Variants in ECT2 observed in about 807,000 individuals in gnomAD.
ECT2 encodes epithelial cell transforming 2, also known as protein ECT2.
In ECT2, 61 loss-of-function variants were observed where a neutral mutation model predicts 116.9. That is an observed-to-expected ratio of 0.52 (90% CI 0.42 to 0.65). The LOEUF (loss-of-function observed/expected upper bound fraction) is 0.65, where lower values mean the gene tolerates loss of function less well. Among genes scored for constraint, ECT2 ranks in the 30% least tolerant of loss-of-function variants. The pLI, the probability that ECT2 is intolerant of heterozygous loss-of-function variation, is 0.00. For synonymous variants in ECT2, 358 were observed against 346.4 expected, an observed-to-expected ratio of 1.03 and a Z score of -0.37; for missense variants, 937 against 1,078.7, an observed-to-expected ratio of 0.87 and a Z score of 1.84.
intron 18 of ECT2, among the ~76,000 whole-genome samples, 161 bp downstream of exon 18, chr3:172,786,735 G>A (rs1345872105): frequency 6.6e-6 from 1 of 152,110 alleles, no homozygotes; most frequent in Non-Finnish European, 1.5e-5. Context: ...AGTATTGTAA[G>A]AATACATTCA....
At chr3:172,776,081 C>A (rs919721541) in intron 14 of ECT2, among the ~76,000 whole-genome samples, 1 of 151,650 alleles carries the variant, frequency 6.6e-6, no homozygotes, top group Non-Finnish European at 1.5e-5. Context: ...AAATCATATT[C>A]TTTGATTCAG....
chr3:172,819,643 C>T (rs148919039), intron 24 of ECT2, among the ~76,000 whole-genome samples: 5 of 152,026 alleles, frequency 3.3e-5, no homozygotes, highest in African/African-American at 9.7e-5. Flanking sequence ...ATTATATATA[C>T]ATATATACAC....
At chr3:172,828,871 C>CG in the ECT2 span, 1 of 1,225,870 alleles carries the variant, frequency 8.2e-7, no homozygotes, top group Non-Finnish European at 1.2e-6. Context: ...GCCTGAGAGA[C>CG]GGGTTCCTGG....
chr3:172,757,375 A>G (rs1415600184), intron 5 of ECT2, among the ~76,000 whole-genome samples: 1 of 151,216 alleles, frequency 6.6e-6, no homozygotes, highest in Non-Finnish European at 1.5e-5. Context: ...TTAAATAATG[A>G]TAACTGTACA....
At chr3:172,762,583 T>C (rs1718532994) in intron 9 of ECT2, 37 bp downstream of exon 9, 1 of 1,579,412 alleles carries the variant, frequency 6.3e-7, no homozygotes, top group Admixed American at 2.0e-5. Flanking sequence ...ATATCTATTT[T>C]AGTCCCTAGG....
chr3:172,827,084 G>C, the ECT2 span, among the ~76,000 whole-genome samples: 1 of 152,216 alleles, frequency 6.6e-6, no homozygotes, highest in African/African-American at 2.4e-5. Context: ...ACTACAATGA[G>C]ACATCATCTC....
chr3:172,795,447 C>G (rs1231654187), intron 18 of ECT2, among the ~76,000 whole-genome samples: 3 of 151,986 alleles, frequency 2.0e-5, no homozygotes, highest in Admixed American at 2.0e-4. Context: ...TTAAGTCCAG[C>G]CTAAAATGAA....
intron 18 of ECT2, among the ~76,000 whole-genome samples, chr3:172,798,311 C>T (rs1294980912): frequency 6.6e-6 from 1 of 152,092 alleles, no homozygotes. Context: ...TGCAAACTTT[C>T]ACCAGCTTTT....
chr3:172,798,752 T>C (rs1179240888), intron 18 of ECT2, among the ~76,000 whole-genome samples: 1 of 152,230 alleles, frequency 6.6e-6, no homozygotes, highest in Non-Finnish European at 1.5e-5. Context: ...TGAAAACTTT[T>C]TGAGCATTCT....
rs773387843 is a variant in ECT2 at position 172,761,656 on chromosome 3, A to G, written c.731A>G (p.Tyr244Cys). 1.2e-6 allele frequency: 2 copies of G among 1,611,456 alleles called. No individual in the cohort carries two copies. Among genetic ancestry groups the G allele is most frequent in the Non-Finnish European group, 1.7e-6 (2 of 1,178,222 alleles). ...CCAATTATGAAGCCAGAATGGATTTATAAAGCTTGGGAAAGGCGGAATGAA... is the reference window on the plus strand; with the variant it reads ...CCAATTATGAAGCCAGAATGGATTTGTAAAGCTTGGGAAAGGCGGAATGAA... Reference protein sequence around the residue: ...GTPIMKPEWIYKAWERRNEQD... With the variant: ...GTPIMKPEWICKAWERRNEQD... Residue 244 changes from tyrosine (Y) to cysteine (C), a missense_variant, in exon 8 of 25, where the codon TAT (tyrosine) becomes TGT (cysteine). By Grantham distance (194) the Tyr-to-Cys change is radical. Coordinates refer to ENST00000392692, the MANE Select transcript of ECT2 (RefSeq NM_001258315.2).
chr3:172,752,776 C>G (rs1053269170), intron 1 of ECT2, among the ~76,000 whole-genome samples: 4 of 152,154 alleles, frequency 2.6e-5, no homozygotes, highest in Non-Finnish European at 4.4e-5. Context: ...ATTCAGTTTT[C>G]ATCTTAACTA....
intron 14 of ECT2, among the ~76,000 whole-genome samples, chr3:172,780,725 TTTTTTTCTTAAATTATA>T (rs1334895680): frequency 1.3e-5 from 2 of 152,172 alleles, no homozygotes; most frequent in Non-Finnish European, 2.9e-5. Flanking sequence ...CACTTATCTT[TTTTTTTCTTAAATTATA>T]ACCATCCTAG....
intron 12 of ECT2, among the ~76,000 whole-genome samples, chr3:172,767,459 A>T (rs6804158): frequency 0.061 from 9,331 of 152,086 alleles, 969 homozygotes; most frequent in African/African-American, 0.21. Context: ...AGCACTCAGA[A>T]CTCCATAGTA....
Position 172,818,434 on chromosome 3 carries a change from A to C in ECT2, c.2655+1597A>C, listed in dbSNP as rs531301424. The C allele has an allele frequency of 1.9e-5, 11 of 591,660 alleles. No individual in the cohort carries two copies. The East Asian group carries it at 9.6e-4, about 52-fold the overall frequency. The allele number at this position is 591,660 out of a possible 1,614,324, so 36.7% of individuals were successfully genotyped here. On this transcript the variant is annotated intron_variant, in intron 24 of 24. Transcript: ENST00000392692. ...ATGAATTTTATAGAAAATTTTAGAAAATTAATTTATTTATGGTTATGTCAC... is the reference window on the plus strand; with the variant it reads ...ATGAATTTTATAGAAAATTTTAGAACATTAATTTATTTATGGTTATGTCAC...
At chr3:172,756,060 C>G (rs1248623225) in intron 4 of ECT2, among the ~76,000 whole-genome samples, 2 of 152,190 alleles carry the variant, frequency 1.3e-5, no homozygotes, top group Non-Finnish European at 2.9e-5. Context: ...CCTTGCATCC[C>G]TGGTGTTTCC....
chr3:172,818,640 C>G (rs1323161921), intron 24 of ECT2: 1 of 1,289,132 alleles, frequency 7.8e-7, no homozygotes, highest in East Asian at 5.6e-5. Flanking sequence ...GCTCTCAGTA[C>G]TCCTGGTTTC....
rs149899103 is a variant in ECT2, at chr3:172,811,103, A to G, written c.2400+3179A>G. Among the ~76,000 whole-genome samples, 386 of 152,212 alleles carry G rather than the reference A, an allele frequency of 2.5e-3. 2 individuals are homozygous for G. The highest frequency in any genetic ancestry group is 8.7e-3 in the African/African-American group (362 of 41,542). ...AAAATGAGTTTTGGCTAATCTATCA[A>G]TTTTACTTTTATTTTATTTTATTTT... On this transcript the variant is annotated intron_variant, in intron 22 of 24. Transcript: ENST00000392692.
chr3:172,766,347 CTG>C (rs1367847208), intron 12 of ECT2, among the ~76,000 whole-genome samples: 2 of 152,162 alleles, frequency 1.3e-5, no homozygotes, highest in African/African-American at 2.4e-5. Flanking sequence ...TCAAATAAGA[CTG>C]TAATATCTGA....
chr3:172,751,385 TTGAA>T, intron 1 of ECT2, among the ~76,000 whole-genome samples: 1 of 152,352 alleles, frequency 6.6e-6, no homozygotes, highest in South Asian at 2.1e-4. Context: ...TAGCCGGGCT[TTGAA>T]TACCTCTTTT....
Sources: allele counts gnomAD v4.1 joint callset (sites outside exome capture counted in the v4.1 genomes callset), GRCh38; gene constraint gnomAD v4.1.1; transcripts MANE v1.5; gene names NCBI Gene and HGNC (gene_info 2026-07-23, HGNC 2026-07-21).